Variants in LAMA2 observed in about 807,000 individuals in gnomAD.
LAMA2 encodes laminin subunit alpha-2.
Under a neutral mutation model 364.8 loss-of-function variants are expected in LAMA2, and 269 were observed. The observed-to-expected ratio is 0.74, with a 90% CI of 0.67 to 0.82. The LOEUF is 0.82. Ranked by LOEUF, LAMA2 falls within the 40% of genes least tolerant of loss-of-function variation. The pLI, the probability that LAMA2 is intolerant of heterozygous loss-of-function variation, is 0.00. For synonymous variants in LAMA2, 1,379 were observed against 1,370.6 expected (o/e 1.01, Z -0.14); for missense variants, 3,807 against 3,873.2 (o/e 0.98, Z 0.45).
intron 45 of LAMA2, among the ~76,000 whole-genome samples, chr6:129,446,327 T>C (rs1396193623): frequency 1.3e-5 from 2 of 151,502 alleles, no homozygotes; most frequent in Non-Finnish European, 1.5e-5. Flanking sequence ...TTACATTTAT[T>C]TTTTGTTTTG....
chr6:129,267,393 C>G (rs1275600410), intron 16 of LAMA2, among the ~76,000 whole-genome samples, 174 bp downstream of exon 16: 3 of 152,062 alleles, frequency 2.0e-5, no homozygotes, highest in African/African-American at 7.2e-5. Context: ...TATGTGATCT[C>G]CCTAATGAAT....
chr6:129,252,276 G>T lies in LAMA2; in HGVS notation c.2077G>T (p.Gly693Trp). The stretch of plus-strand genomic sequence containing the variant: ...CCTCCTACAAATCACATACAGCTTT[G>T]GGATGGATGCCATCTTCAGGTAAAA... ...RVLLQITYSFGMDAIFRLSSV... is the reference protein window; with the variant it reads ...RVLLQITYSFWMDAIFRLSSV... Residue 693 changes from glycine to tryptophan, a missense_variant, in exon 14 of 65, where the codon GGG becomes TGG. Physicochemically the swap from Gly to Trp is radical, Grantham distance 184. Around this residue, in one of 3 missense-constraint regions of LAMA2, gnomAD observed 3,333 missense variants for 3,345.7 expected, o/e 1.00. Transcript: ENST00000421865. 1 of 1,613,316 alleles carries T rather than the reference G, an allele frequency of 6.2e-7. No homozygotes were observed. The highest frequency in any genetic ancestry group is 8.5e-7 in the Non-Finnish European group (1 of 1,179,476).
In LAMA2 at chr6:129,233,875, TG is replaced by T. The variant is rs1784825440; in HGVS notation, c.1783-16235del. ...CCCTTCACTAAGGGTCTTGAAAAAC[TG>T]GTCTGAAACTCCGCTCCAGTAGAGC... is the stretch of plus-strand genomic sequence containing the variant. On this transcript the variant is annotated intron_variant, in intron 12 of 64. Coordinates refer to ENST00000421865, the MANE Select transcript of LAMA2 (RefSeq NM_000426.4). Among the ~76,000 whole-genome samples, 3 of 152,196 alleles carry T rather than the reference TG, an allele frequency of 2.0e-5. No homozygotes were observed. In the South Asian group the frequency reaches 6.2e-4, roughly 32 times the overall value.
intron 12 of LAMA2, among the ~76,000 whole-genome samples, chr6:129,193,778 A>G (rs958304476): frequency 2.6e-5 from 4 of 152,222 alleles, no homozygotes; most frequent in Non-Finnish European, 5.9e-5. Flanking sequence ...TTGATTAAGC[A>G]AATAAAAGTA....
intron 9 of LAMA2, among the ~76,000 whole-genome samples, chr6:129,173,095 C>G (rs1780323925): frequency 6.6e-6 from 1 of 152,212 alleles, no homozygotes; most frequent in African/African-American, 2.4e-5. Flanking sequence ...TGAGATGAAC[C>G]CGGTACCTCA....
At chr6:129,389,521 T>A (rs1255971903) in intron 35 of LAMA2, among the ~76,000 whole-genome samples, 1 of 152,180 alleles carries the variant, frequency 6.6e-6, no homozygotes, top group Non-Finnish European at 1.5e-5. Flanking sequence ...CTTGCCCTTA[T>A]GACCTAATCT....
intron 32 of LAMA2, among the ~76,000 whole-genome samples, chr6:129,356,850 A>G (rs556779267): frequency 1.3e-5 from 2 of 152,214 alleles, no homozygotes; most frequent in South Asian, 2.1e-4. Context: ...TTAAAACATT[A>G]TGGCATTTAT....
intron 1 of LAMA2, among the ~76,000 whole-genome samples, chr6:129,036,352 A>G (rs1786639972): frequency 6.6e-6 from 1 of 152,180 alleles, no homozygotes; most frequent in South Asian, 2.1e-4. Context: ...ATTTAATAAA[A>G]TCTAATACTG....
chr6:129,147,584 T>G (rs1034093263), intron 6 of LAMA2, among the ~76,000 whole-genome samples: 2 of 151,960 alleles, frequency 1.3e-5, no homozygotes, highest in African/African-American at 4.8e-5. Context: ...TTTGATAGAA[T>G]TTTTTCATTA....
intron 1 of LAMA2, among the ~76,000 whole-genome samples, chr6:128,932,541 A>T (rs1779545696): frequency 1.3e-5 from 2 of 152,214 alleles, no homozygotes; most frequent in Admixed American, 1.3e-4. Context: ...CACCCTAAAA[A>T]AAAGGAGAAA....
rs966736103 is a variant in LAMA2, at chr6:129,422,879, A to T, written c.5866-4873A>T. Reference sequence around the variant, plus strand: ...CCAATGGCAGACAAAGATAGTTTTTAAAAAAGAAAATTATATTATATAACA... The same window carrying T: ...CCAATGGCAGACAAAGATAGTTTTTTAAAAAGAAAATTATATTATATAACA... On this transcript the variant is annotated intron_variant, in intron 40 of 64. Transcript: ENST00000421865. 2.6e-5 allele frequency among the ~76,000 whole-genome samples: 4 copies of T among 152,226 alleles called. No individual in the cohort carries two copies. In the East Asian group the frequency reaches 7.7e-4, roughly 29 times the overall value.
chr6:129,044,114 CAT>C (rs1279447230), intron 1 of LAMA2, among the ~76,000 whole-genome samples: 2 of 152,034 alleles, frequency 1.3e-5, no homozygotes, highest in Non-Finnish European at 2.9e-5. Context: ...TCTAAGTATT[CAT>C]AGTCTTCCTG....
chr6:129,168,395 C>T (rs375192374), intron 9 of LAMA2, among the ~76,000 whole-genome samples: 4 of 152,120 alleles, frequency 2.6e-5, no homozygotes, highest in South Asian at 2.1e-4. Flanking sequence ...CTAGCCAGTT[C>T]TCCCAGCACC....
At chr6:129,237,613 C>T (rs1197719042) in intron 12 of LAMA2, among the ~76,000 whole-genome samples, 1 of 152,070 alleles carries the variant, frequency 6.6e-6, no homozygotes, top group Non-Finnish European at 1.5e-5. Flanking sequence ...GGATTGCAAG[C>T]GTGTTTCAGT....
chr6:129,274,560 AGAT>A (rs1456678733), intron 17 of LAMA2, among the ~76,000 whole-genome samples: 1 of 152,036 alleles, frequency 6.6e-6, no homozygotes, highest in Non-Finnish European at 1.5e-5. Flanking sequence ...CAAATTTCTT[AGAT>A]AATATTGCTA....
chr6:128,919,916 G>A (rs1294832321), intron 1 of LAMA2, among the ~76,000 whole-genome samples: 3 of 152,254 alleles, frequency 2.0e-5, no homozygotes, highest in African/African-American at 7.2e-5. Flanking sequence ...TTTAGATGAT[G>A]AATTACATGA....
At chr6:129,093,100 A>G (rs1177117648) in intron 3 of LAMA2, among the ~76,000 whole-genome samples, 1 of 151,696 alleles carries the variant, frequency 6.6e-6, no homozygotes, top group Admixed American at 6.6e-5. Context: ...CTCCTGCCTC[A>G]GCTTCCGGAG....
rs1231277831 is a variant in LAMA2, at chr6:129,393,106, G to T, written c.5296G>T (p.Glu1766Ter). ...GTTTGGAGAGTCCCGGGGGGAAAAT[G>T]AAGAAATGGAGAAGGATCTCCGGGA... ...KLFGESRGEN[E>*]EMEKDLREKL... is the part of the protein sequence containing the mutation. The change falls in exon 37 of 65, where the codon GAA (glutamate) becomes TAA (stop). Residue 1766 changes from glutamate (E) to a stop codon, truncating the protein, a stop_gained. Coordinates refer to ENST00000421865, the MANE Select transcript of LAMA2 (RefSeq NM_000426.4). LOFTEE classifies it high-confidence loss of function. The T allele has an allele frequency of 6.2e-7, 1 of 1,614,084 alleles. No homozygotes were observed. The highest frequency in any genetic ancestry group is 8.5e-7 in the Non-Finnish European group (1 of 1,179,972).
chr6:128,977,505 T>C (rs1042982679), intron 1 of LAMA2, among the ~76,000 whole-genome samples: 46 of 152,180 alleles, frequency 3.0e-4, no homozygotes, highest in African/African-American at 1.1e-3. Flanking sequence ...CAAGTGATCC[T>C]TCTGCCTCAG....
Sources: allele counts gnomAD v4.1 joint callset (sites outside exome capture counted in the v4.1 genomes callset), GRCh38; gene constraint gnomAD v4.1.1; regional missense constraint gnomAD v4.1.1; transcripts MANE v1.5; gene names NCBI Gene and HGNC (gene_info 2026-07-23, HGNC 2026-07-21).